Variants in BTRC observed in about 807,000 individuals in gnomAD.
The protein encoded by BTRC is beta-transducin repeat containing E3 ubiquitin protein ligase.
In BTRC, 42 loss-of-function variants were observed where a neutral mutation model predicts 85.5. The ratio of observed to expected loss-of-function variants is 0.49; its 90% confidence interval spans 0.38 to 0.64. The LOEUF is 0.64. Among genes scored for constraint, BTRC ranks in the 30% least tolerant of loss-of-function variants. The pLI, the probability that BTRC is intolerant of heterozygous loss-of-function variation, is 0.00. For synonymous variants in BTRC, 255 were observed against 263.3 expected (o/e 0.97, Z 0.30); for missense variants, 594 against 743.5 (o/e 0.80, Z 2.34).
At chr10:101,509,243 A>ATTTTTTTT (rs71016330) in intron 4 of BTRC, among the ~76,000 whole-genome samples, 3 of 69,916 alleles carry the variant, frequency 4.3e-5, no homozygotes, top group African/African-American at 2.1e-4. Flanking sequence ...GGCAATGTGG[A>ATTTTTTTT]TTTTTTTTTT....
At chr10:101,523,680 G>A (rs1451234041) in intron 5 of BTRC, among the ~76,000 whole-genome samples, 5 of 152,100 alleles carry the variant, frequency 3.3e-5, no homozygotes, top group Admixed American at 1.3e-4. Context: ...TTTTCTCTAC[G>A]TATGTGTATT....
chr10:101,411,530 C>T (rs1943778390), intron 1 of BTRC, among the ~76,000 whole-genome samples: 2 of 152,084 alleles, frequency 1.3e-5, no homozygotes. Context: ...TTTTTGCTTC[C>T]TCGGGTTCAC....
intron 13 of BTRC, among the ~76,000 whole-genome samples, chr10:101,547,578 A>G (rs908141305): frequency 6.6e-6 from 1 of 151,800 alleles, no homozygotes; most frequent in African/African-American, 2.4e-5. Context: ...GGACCTCATG[A>G]TCCACCTGCC....
intron 1 of BTRC, among the ~76,000 whole-genome samples, chr10:101,374,422 C>T (rs1163843631): frequency 1.3e-5 from 2 of 150,958 alleles, no homozygotes; most frequent in Non-Finnish European, 3.0e-5. Flanking sequence ...GAAAATGTGG[C>T]ACATATACAC....
chr10:101,421,315 T>G (rs1944094055), intron 1 of BTRC, among the ~76,000 whole-genome samples: 1 of 152,192 alleles, frequency 6.6e-6, no homozygotes, highest in Admixed American at 6.5e-5. Flanking sequence ...TTCCCATTTC[T>G]TAATGAGTGA....
intron 2 of BTRC, among the ~76,000 whole-genome samples, chr10:101,442,392 C>G (rs1944711508): frequency 6.6e-6 from 1 of 151,268 alleles, no homozygotes. Context: ...GTGCTGCTAT[C>G]TAATGGCAGC....
chr10:101,382,595 T>G (rs1942964433), intron 1 of BTRC, among the ~76,000 whole-genome samples: 2 of 152,108 alleles, frequency 1.3e-5, no homozygotes, highest in Non-Finnish European at 2.9e-5. Flanking sequence ...GAGATATTGT[T>G]TGATCATTTA....
At chr10:101,457,050 A>G (rs957306819) in intron 2 of BTRC, among the ~76,000 whole-genome samples, 3 of 152,238 alleles carry the variant, frequency 2.0e-5, no homozygotes, top group African/African-American at 4.8e-5. Context: ...ACACATACCT[A>G]TGATAAAGTT....
chr10:101,453,724 C>T, intron 2 of BTRC, among the ~76,000 whole-genome samples: 1 of 151,944 alleles, frequency 6.6e-6, no homozygotes, highest in East Asian at 1.9e-4. Flanking sequence ...GGAATATTGC[C>T]CCAGCTATGA....
chr10:101,517,812 G>C (rs764856719), intron 4 of BTRC, among the ~76,000 whole-genome samples: 11 of 151,760 alleles, frequency 7.2e-5, no homozygotes, highest in Non-Finnish European at 1.6e-4. Flanking sequence ...TCTGTCTTCA[G>C]AATATACACT....
At chr10:101,357,520 C>T (rs545282172) in intron 1 of BTRC, among the ~76,000 whole-genome samples, 1 of 151,294 alleles carries the variant, frequency 6.6e-6, no homozygotes, top group Non-Finnish European at 1.5e-5. Flanking sequence ...AAGAACTATC[C>T]TTTTAATCAA....
chr10:101,359,669 C>G (rs1444889793), intron 1 of BTRC, among the ~76,000 whole-genome samples: 1 of 150,366 alleles, frequency 6.7e-6, no homozygotes, highest in Non-Finnish European at 1.5e-5. Context: ...GGTGCAAACT[C>G]AGTTCACTGC....
chr10:101,516,588 T>C (rs1380041988), intron 4 of BTRC, among the ~76,000 whole-genome samples: 1 of 152,186 alleles, frequency 6.6e-6, no homozygotes. Context: ...ATACGTGAAA[T>C]CTCAGTTTAT....
chr10:101,414,351 C>T (rs1252698273), intron 1 of BTRC, among the ~76,000 whole-genome samples: 1 of 152,126 alleles, frequency 6.6e-6, no homozygotes, highest in Non-Finnish European at 1.5e-5. Context: ...TCATATAATG[C>T]AAGGCATTAT....
chr10:101,536,563 G>C lies in BTRC; in HGVS notation c.1487G>C (p.Gly496Ala). The change falls in exon 12 of 15, where the codon GGT (glycine) becomes GCT (alanine). Residue 496 changes from glycine to alanine, a missense_variant. Gly to Ala is a moderately conservative substitution (Grantham distance 60, BLOSUM62 0). This residue lies in a region of BTRC where 373 missense variants were observed against 503.6 expected (regional missense o/e 0.74). Coordinates refer to ENST00000370187, the MANE Select transcript of BTRC (RefSeq NM_033637.4). The part of the protein sequence containing the change: ...NTIRLWDIEC[G>A]ACLRVLEGHE... ...TCCAGATTATGGGACATAGAATGTG[G>C]TGCATGTTTACGAGTGTTAGAAGGC... 1 of 1,613,308 alleles carries C rather than the reference G, an allele frequency of 6.2e-7. No individual in the cohort carries two copies. The highest frequency in any genetic ancestry group is 8.5e-7 in the Non-Finnish European group (1 of 1,179,312).
chr10:101,476,827 A>T (rs769229807), intron 3 of BTRC, among the ~76,000 whole-genome samples: 84 of 152,168 alleles, frequency 5.5e-4, no homozygotes, highest in Non-Finnish European at 1.0e-3. Flanking sequence ...GTTGGTTTTG[A>T]GTGTCTTAAG....
chr10:101,441,968 TTACTGCCTAAGATTGCATA>T (rs940951939), intron 2 of BTRC, among the ~76,000 whole-genome samples: 36 of 151,824 alleles, frequency 2.4e-4, no homozygotes, highest in African/African-American at 8.2e-4. Context: ...TGTAATTTAA[TTACTGCCTAAGATTGCATA>T]TACTTCTTTG....
intron 4 of BTRC, among the ~76,000 whole-genome samples, chr10:101,497,548 A>T (rs1032725089): frequency 6.7e-6 from 1 of 149,988 alleles, no homozygotes; most frequent in African/African-American, 2.5e-5. Flanking sequence ...TAAAAAATAT[A>T]AAAAAAATTT....
At chr10:101,463,361 G>GT (rs1281747739) in intron 3 of BTRC, among the ~76,000 whole-genome samples, 1 of 151,764 alleles carries the variant, frequency 6.6e-6, no homozygotes, top group East Asian at 1.9e-4. Flanking sequence ...TGTATTTTTA[G>GT]TAGAGACAGG....
Sources: allele counts gnomAD v4.1 joint callset (sites outside exome capture counted in the v4.1 genomes callset), GRCh38; gene constraint gnomAD v4.1.1; regional missense constraint gnomAD v4.1.1; transcripts MANE v1.5; gene names NCBI Gene and HGNC (gene_info 2026-07-23, HGNC 2026-07-21).